Variants in ASH1L observed in about 807,000 individuals in gnomAD.
The protein encoded by ASH1L is histone-lysine N-methyltransferase ASH1L.
In ASH1L, 23 loss-of-function variants were observed where a neutral mutation model predicts 269.0. The ratio of observed to expected loss-of-function variants is 0.09; its 90% CI spans 0.06 to 0.12. The LOEUF is 0.12. ASH1L is among the 10% of genes least tolerant of loss of function. The pLI is 1.00. For missense variants in ASH1L, 2,912 were observed against 3,567.8 expected (o/e 0.82, Z 4.68); for synonymous variants, 1,187 against 1,253.5 (o/e 0.95, Z 1.12).
chr1:155,464,460 A>G (rs370346145), intron 3 of ASH1L, among the ~76,000 whole-genome samples: 2 of 152,286 alleles, frequency 1.3e-5, no homozygotes, highest in East Asian at 1.9e-4. Flanking sequence ...CAACTTCAGA[A>G]TATGTTTGGA....
intron 5 of ASH1L, 102 bp downstream of exon 5, chr1:155,438,225 A>G: frequency 7.9e-7 from 1 of 1,262,904 alleles, no homozygotes; most frequent in Non-Finnish European, 1.1e-6. Context: ...ATATAGTAAA[A>G]AATGAAAGGT....
chr1:155,546,421 G>A (rs1267131797), intron 1 of ASH1L, among the ~76,000 whole-genome samples: 2 of 151,966 alleles, frequency 1.3e-5, no homozygotes, highest in Non-Finnish European at 2.9e-5. Flanking sequence ...TGCTTATATC[G>A]TCATCTAACC....
intron 4 of ASH1L, 137 bp downstream of exon 4, chr1:155,459,660 C>G (rs1664141171): frequency 1.5e-6 from 1 of 677,696 alleles, no homozygotes; most frequent in Non-Finnish European, 2.5e-6. Flanking sequence ...TCTATTGTTT[C>G]AACTCCTTTG....
rs933769686 is a variant in ASH1L at position 155,481,040 on chromosome 1, G to A, written c.1830C>T (p.His610=). 3 of 1,613,908 alleles carry A rather than the reference G, an allele frequency of 1.9e-6. No homozygotes were observed. The highest frequency in any genetic ancestry group is 1.3e-5 in the African/African-American group (1 of 74,892). The change falls in exon 3 of 28, where the codon CAC becomes CAT. Residue 610 remains histidine, a synonymous_variant. Transcript: ENST00000392403. ...CAACTGACCTATGACCAACGTTCAA[G>A]TGGGTACTTTCAGAAGTAAACTGGT... The part of the protein sequence containing the change: ...GKNQFTSEST[H]LNVGHRSVGH...
intron 13 of ASH1L, among the ~76,000 whole-genome samples, chr1:155,358,127 A>C (rs1297707005): frequency 1.3e-5 from 2 of 152,076 alleles, no homozygotes; most frequent in Non-Finnish European, 2.9e-5. Context: ...AGGATTCCTG[A>C]GCATTTGGAC....
chr1:155,493,517 T>C (rs1055794881), intron 2 of ASH1L, among the ~76,000 whole-genome samples: 19 of 152,370 alleles, frequency 1.2e-4, no homozygotes, highest in Admixed American at 1.2e-3. Context: ...CTATAACTGA[T>C]AGTATTCAAG....
chr1:155,521,586 AG>A lies in ASH1L; in HGVS notation c.-68del. The A allele has an allele frequency of 6.9e-7, 1 of 1,458,138 alleles. No homozygotes were observed. The highest frequency in any genetic ancestry group is 9.2e-7 in the Non-Finnish European group (1 of 1,083,352). 90.3% of individuals were successfully genotyped at this position (1,458,138 alleles called of 1,614,324 possible). On this transcript the variant is annotated 5_prime_UTR_variant, in exon 2 of 28. An upstream open reading frame in the 5' UTR loses its in-frame stop. Coordinates refer to ENST00000392403, the MANE Select transcript of ASH1L (RefSeq NM_018489.3). Reference sequence around the variant, plus strand: ...ACAGAACTGTGTTCCATAAAAAACAAGGATCTCCAAAACTCGAAACCAGCAT... The same window carrying A: ...ACAGAACTGTGTTCCATAAAAAACAAGATCTCCAAAACTCGAAACCAGCAT...
chr1:155,519,260 C>G (rs926880209), intron 2 of ASH1L, among the ~76,000 whole-genome samples: 16 of 151,950 alleles, frequency 1.1e-4, no homozygotes, highest in Admixed American at 4.6e-4. Context: ...CATGGAGAAA[C>G]CCCATCTCTA....
intron 4 of ASH1L, among the ~76,000 whole-genome samples, chr1:155,450,331 G>C (rs1038115501): frequency 6.6e-6 from 1 of 152,144 alleles, no homozygotes; most frequent in Non-Finnish European, 1.5e-5. Flanking sequence ...CGATCTGTGG[G>C]ATATAGTTTT....
chr1:155,352,132 T>C (rs1184203596), intron 17 of ASH1L, among the ~76,000 whole-genome samples: 1 of 151,894 alleles, frequency 6.6e-6, no homozygotes, highest in Non-Finnish European at 1.5e-5. Flanking sequence ...ATGGTAGACA[T>C]ACTTACTGCA....
intron 3 of ASH1L, among the ~76,000 whole-genome samples, chr1:155,461,324 T>C (rs967397443): frequency 2.6e-5 from 4 of 152,192 alleles, no homozygotes; most frequent in East Asian, 3.9e-4. Flanking sequence ...TAGCAGGCTA[T>C]GGGAAGCACT....
At chr1:155,371,842 T>A (rs1655978748) in intron 10 of ASH1L, among the ~76,000 whole-genome samples, 1 of 151,220 alleles carries the variant, frequency 6.6e-6, no homozygotes, top group Non-Finnish European at 1.5e-5. Context: ...TACAGATGTG[T>A]GTCACCACAC....
intron 1 of ASH1L, among the ~76,000 whole-genome samples, chr1:155,553,267 T>C (rs1671338992): frequency 6.6e-6 from 1 of 152,212 alleles, no homozygotes; most frequent in Admixed American, 6.5e-5. Flanking sequence ...TTAACTAGAA[T>C]GCTGAGTGGG....
chr1:155,398,966 C>A (rs1658600527), intron 6 of ASH1L, among the ~76,000 whole-genome samples: 1 of 152,160 alleles, frequency 6.6e-6, no homozygotes, highest in South Asian at 2.1e-4. Context: ...CTCCTGGGCT[C>A]AAGCGACTTG....
At chr1:155,462,920 A>T (rs1280661839) in intron 3 of ASH1L, among the ~76,000 whole-genome samples, 1 of 152,194 alleles carries the variant, frequency 6.6e-6, no homozygotes, top group Non-Finnish European at 1.5e-5. Context: ...AGGCAGTAAG[A>T]AGATGAGGAT....
intron 27 of ASH1L, 112 bp from the exon 28 acceptor site, chr1:155,337,863 G>T: frequency 8.5e-7 from 1 of 1,170,242 alleles, no homozygotes; most frequent in Non-Finnish European, 1.2e-6. Flanking sequence ...TGACCTATAA[G>T]CAATTTAGCC....
chr1:155,366,710 G>A (rs1219161526), intron 12 of ASH1L, among the ~76,000 whole-genome samples: 1 of 152,172 alleles, frequency 6.6e-6, no homozygotes, highest in East Asian at 1.9e-4. Flanking sequence ...GTCTTGGTGT[G>A]TCACACAGGC....
At chr1:155,471,844 T>A (rs1355345055) in intron 3 of ASH1L, among the ~76,000 whole-genome samples, 1 of 152,262 alleles carries the variant, frequency 6.6e-6, no homozygotes, top group Non-Finnish European at 1.5e-5. Context: ...AGTCTCATGA[T>A]GAACTCTGCT....
intron 3 of ASH1L, among the ~76,000 whole-genome samples, chr1:155,465,712 T>C (rs1664633681): frequency 1.3e-5 from 2 of 152,222 alleles, no homozygotes; most frequent in Non-Finnish European, 2.9e-5. Flanking sequence ...CAAAGCTATT[T>C]GGGAATGTGT....
Sources: allele counts gnomAD v4.1 joint callset (sites outside exome capture counted in the v4.1 genomes callset), GRCh38; gene constraint gnomAD v4.1.1; transcripts MANE v1.5; gene names NCBI Gene and HGNC (gene_info 2026-07-23, HGNC 2026-07-21).